RBL2: variants seen among roughly 807,000 people sequenced by gnomAD.
RBL2 encodes retinoblastoma-like protein 2.
In RBL2, 56 loss-of-function variants were observed where a neutral mutation model predicts 126.0. The ratio of observed to expected loss-of-function variants is 0.44; its 90% confidence interval spans 0.36 to 0.56. The LOEUF is 0.56. Among genes scored for constraint, RBL2 ranks in the 20% least tolerant of loss-of-function variants. The pLI is 0.00. For missense variants in RBL2, 1,229 were observed against 1,398.2 expected, an observed-to-expected ratio of 0.88 and a Z score of 1.93; for synonymous variants, 454 against 478.5, an observed-to-expected ratio of 0.95 and a Z score of 0.67.
intron 14 of RBL2, 40 bp from the exon 15 acceptor site, chr16:53,469,876 C>T (rs751614836): frequency 2.0e-6 from 3 of 1,502,190 alleles, no homozygotes; most frequent in Non-Finnish European, 2.7e-6. Flanking sequence ...ATCTGAGTCT[C>T]CTTGAGTTAA....
intron 4 of RBL2, among the ~76,000 whole-genome samples, chr16:53,450,606 T>C (rs1598096973): frequency 6.6e-6 from 1 of 152,192 alleles, no homozygotes; most frequent in African/African-American, 2.4e-5. Flanking sequence ...CGTAAAAATG[T>C]GTTCAGTGTT....
rs1251723322 is a variant in RBL2 at position 53,470,029 on chromosome 16, C to A, written c.2089C>A (p.Arg697Ser). ...DSPSDGGTPGRMPPQPLVNAV... is the reference protein window; with the variant it reads ...DSPSDGGTPGSMPPQPLVNAV... ...CCCCTCTGATGGAGGGACGCCTGGGCGCATGCCCCCACAGCCCCTAGTCAA... is the reference window on the plus strand; with the variant it reads ...CCCCTCTGATGGAGGGACGCCTGGGAGCATGCCCCCACAGCCCCTAGTCAA... The change falls in exon 15 of 22, where the codon CGC becomes AGC. Residue 697 changes from arginine (R) to serine (S), a missense_variant. By Grantham distance (110) the Arg-to-Ser change is moderately radical. Coordinates refer to ENST00000262133, the MANE Select transcript of RBL2 (RefSeq NM_005611.4). The A allele has an allele frequency of 2.5e-6, 4 of 1,614,204 alleles. No individual in the cohort carries two copies. The highest frequency in any genetic ancestry group is 2.2e-5 in the East Asian group (1 of 44,886).
At position 53,436,178 on chromosome 16, in the gene RBL2, G is replaced by GT. The variant is rs542160734; in HGVS notation, c.240+1391dup. Among the ~76,000 whole-genome samples the GT allele has an allele frequency of 4.2e-3, 637 of 150,834 alleles. 6 individuals carry two copies. The highest frequency in any genetic ancestry group is 0.033 in the South Asian group (159 of 4,766). ...TTTTATGTTGTTTTTTGTTTTTTGG[G>GT]TTTTTTTTTGGTAAATGGCCTTAAA... On this transcript the variant is annotated intron_variant, in intron 1 of 21. Transcript: ENST00000262133.
chr16:53,468,371 T>C (rs1328783436), intron 14 of RBL2, among the ~76,000 whole-genome samples: 1 of 152,076 alleles, frequency 6.6e-6, no homozygotes, highest in African/African-American at 2.4e-5. Flanking sequence ...AGATACCATC[T>C]CTACCCCCAA....
intron 1 of RBL2, among the ~76,000 whole-genome samples, chr16:53,435,349 A>G (rs1268829851): frequency 6.6e-6 from 1 of 152,068 alleles, no homozygotes; most frequent in Non-Finnish European, 1.5e-5. Flanking sequence ...ATTTCCCCCC[A>G]GGCCAGATGA....
intron 4 of RBL2, among the ~76,000 whole-genome samples, chr16:53,447,722 G>A (rs1332258218): frequency 1.3e-5 from 2 of 151,676 alleles, no homozygotes; most frequent in Admixed American, 1.3e-4. Context: ...TCGGCTCACT[G>A]CAGCCTACAC....
chr16:53,466,469 C>T (rs2058273101), intron 13 of RBL2, among the ~76,000 whole-genome samples: 1 of 151,760 alleles, frequency 6.6e-6, no homozygotes, highest in Non-Finnish European at 1.5e-5. Context: ...AATGTAGAGT[C>T]AGTGGGAGCC....
In RBL2 at chr16:53,442,701, G is replaced by A. The variant is rs762440361; in HGVS notation, c.415G>A (p.Ala139Thr). 5.0e-6 allele frequency: 8 copies of A among 1,613,586 alleles called. No homozygotes were observed. The South Asian group carries it at 8.8e-5, about 18-fold the overall frequency. The change falls in exon 3 of 22, where the codon GCA becomes ACA. Residue 139 changes from alanine to threonine, a missense_variant. Transcript: ENST00000262133. ...FNKMKKWEDM[A>T]NLPPHFRERT... ...TAAGATGAAGAAGTGGGAAGACATGGCAAATCTACCCCCACATTTCAGAGA... is the reference window on the plus strand; with the variant it reads ...TAAGATGAAGAAGTGGGAAGACATGACAAATCTACCCCCACATTTCAGAGA...
intron 8 of RBL2, among the ~76,000 whole-genome samples, chr16:53,456,968 G>GA (rs1173470963): frequency 1.3e-5 from 2 of 152,094 alleles, no homozygotes; most frequent in Non-Finnish European, 2.9e-5. Context: ...CCTTGCATTA[G>GA]AATATAAGCT....
Position 53,454,764 on chromosome 16 carries a change from GTGTCTGAACGCTGGT to G in RBL2, c.1103_1117del (p.Cys368_Gly372del). The G allele has an allele frequency of 6.2e-7, 1 of 1,614,116 alleles. No individual in the cohort carries two copies. The highest frequency in any genetic ancestry group is 1.3e-5 in the African/African-American group (1 of 75,046). On this transcript the variant is annotated inframe_deletion, in exon 8 of 22. Transcript: ENST00000262133. ...AGGAGGAAATTGGGACTCTCTCAAG[GTGTCTGAACGCTGGT>G]TCAGGAACAGAGACTGCTGAAAGGG...
intron 11 of RBL2, among the ~76,000 whole-genome samples, chr16:53,463,321 T>G (rs1271211923): frequency 2.6e-5 from 4 of 152,156 alleles, no homozygotes; most frequent in African/African-American, 9.6e-5. Context: ...CTGCCTGCCT[T>G]TCTGTTTTTT....
intron 8 of RBL2, among the ~76,000 whole-genome samples, chr16:53,456,697 G>A (rs1478881025): frequency 6.6e-6 from 1 of 152,146 alleles, no homozygotes; most frequent in Non-Finnish European, 1.5e-5. Context: ...GATATGCCAG[G>A]CATGCCTGCA....
intron 13 of RBL2, 121 bp from the exon 14 acceptor site, chr16:53,466,937 C>A: frequency 1.4e-6 from 1 of 727,098 alleles, no homozygotes; most frequent in Non-Finnish European, 2.2e-6. Context: ...ATGGGAAAGA[C>A]AGCTGATTTT....
intron 5 of RBL2, 28 bp downstream of exon 5, chr16:53,451,859 G>A (rs2058118139): frequency 1.9e-6 from 3 of 1,610,244 alleles, no homozygotes; most frequent in Admixed American, 1.7e-5. Flanking sequence ...AGATTTTTGG[G>A]CAATCTGCGT....
At chr16:53,483,463 A>T (rs1948056688) in intron 21 of RBL2, among the ~76,000 whole-genome samples, 1 of 152,198 alleles carries the variant, frequency 6.6e-6, no homozygotes, top group South Asian at 2.1e-4. Flanking sequence ...GGCTGAGCCC[A>T]AGAGTTCAAG....
At chr16:53,444,520 T>G (rs754062714) in intron 3 of RBL2, among the ~76,000 whole-genome samples, 15 of 151,732 alleles carry the variant, frequency 9.9e-5, no homozygotes, top group Non-Finnish European at 1.8e-4. Flanking sequence ...GCCACTGCAC[T>G]CCAGCCTGGG....
intron 13 of RBL2, chr16:53,465,843 A>C: frequency 3.2e-6 from 1 of 310,452 alleles, no homozygotes. Context: ...AGACTTACAT[A>C]TGGAGGAGGC....
At chr16:53,468,388 C>CA (rs1198454443) in intron 14 of RBL2, among the ~76,000 whole-genome samples, 3 of 151,898 alleles carry the variant, frequency 2.0e-5, no homozygotes, top group Admixed American at 6.6e-5. Flanking sequence ...CCAACCCCCC[C>CA]AAAAAAATCA....
rs755891251 is a variant in RBL2, at chr16:53,470,748, A to G, written c.2529A>G (p.Val843=). ...TSSLSLFFRK[V]YHLAAVRLRD... is the part of the protein sequence containing the mutation. ...TTTGAAATGTTTTTATCTCCTAGGTATACCATTTAGCAGCTGTCCGCCTTC... is the reference window on the plus strand; with the variant it reads ...TTTGAAATGTTTTTATCTCCTAGGTGTACCATTTAGCAGCTGTCCGCCTTC... Residue 843 remains valine, a splice_region_variant and synonymous_variant, in exon 17 of 22, where the codon GTA becomes GTG. Transcript: ENST00000262133. 19 of 1,613,922 alleles carry G rather than the reference A, an allele frequency of 1.2e-5. No individual in the cohort carries two copies. Among genetic ancestry groups the G allele is most frequent in the East Asian group, 2.2e-5 (1 of 44,902 alleles).
Sources: gnomAD v4.1 joint callset for allele counts (sites outside exome capture counted in the v4.1 genomes callset) on GRCh38, gnomAD v4.1.1 for gene constraint, MANE v1.5 for transcripts, NCBI Gene and HGNC (gene_info 2026-07-23, HGNC 2026-07-21) for gene names.